Variants in MRO observed in about 807,000 individuals in gnomAD.
MRO encodes the protein protein maestro.
Under a neutral mutation model 31.0 loss-of-function variants are expected in MRO, and 28 were observed. The ratio of observed to expected loss-of-function variants is 0.90; its 90% CI spans 0.67 to 1.24. The LOEUF is 1.24. Ranked by LOEUF, MRO falls within the 50% of genes most tolerant of loss-of-function variation. The probability of loss-of-function intolerance (pLI) is 0.00; values close to 1 mark genes in which losing one functional copy is unlikely to be tolerated. For synonymous variants in MRO, 108 were observed against 108.4 expected (o/e 1.00, Z 0.02); for missense variants, 332 against 289.2 (o/e 1.15, Z -1.07).
At chr18:50,809,085 C>T (rs955995109) in intron 3 of MRO, among the ~76,000 whole-genome samples, 1 of 145,096 alleles carries the variant, frequency 6.9e-6, no homozygotes, top group Non-Finnish European at 1.5e-5. Flanking sequence ...TTGCAGTGAG[C>T]CCAGATTGCG....
chr18:50,824,422 T>C (rs1247374303), upstream of MRO, among the ~76,000 whole-genome samples: 3 of 151,440 alleles, frequency 2.0e-5, no homozygotes, highest in Non-Finnish European at 4.4e-5. Flanking sequence ...GCCTGGGTGA[T>C]AGAGCAAGAC....
intron 2 of MRO, among the ~76,000 whole-genome samples, chr18:50,810,345 T>C (rs1003508883): frequency 1.3e-5 from 2 of 152,224 alleles, no homozygotes; most frequent in Non-Finnish European, 2.9e-5. Flanking sequence ...GATCAACATG[T>C]GCTAAAATAA....
At chr18:50,822,644 G>C (rs574793451), upstream of MRO, among the ~76,000 whole-genome samples, 2 of 152,174 alleles carry the variant, frequency 1.3e-5, no homozygotes, top group Admixed American at 6.5e-5. Context: ...CTTAAAGAGA[G>C]AGATTTAAGT....
intron 6 of MRO, among the ~76,000 whole-genome samples, chr18:50,800,352 G>A (rs779845424): frequency 3.9e-5 from 6 of 152,160 alleles, no homozygotes; most frequent in Non-Finnish European, 5.9e-5. Context: ...TGGGAAGGGC[G>A]TAGCTTTACA....
At chr18:50,808,098 A>G (rs980512253) in intron 3 of MRO, among the ~76,000 whole-genome samples, 1 of 152,144 alleles carries the variant, frequency 6.6e-6, no homozygotes, top group African/African-American at 2.4e-5. Context: ...AAAACAAACA[A>G]ACAAACAAAC....
intron 4 of MRO, among the ~76,000 whole-genome samples, 153 bp from the exon 5 acceptor site, chr18:50,805,489 T>C (rs1463645538): frequency 6.6e-6 from 1 of 152,080 alleles, no homozygotes; most frequent in Non-Finnish European, 1.5e-5. Context: ...AAAATACAAA[T>C]GCTTCCATTA....
Position 50,799,943 on chromosome 18 carries a change from G to C in MRO, c.693+93C>G, listed in dbSNP as rs1286325466. The C allele has an allele frequency of 4.7e-6, 4 of 851,950 alleles. No individual in the cohort carries two copies. In the African/African-American group the frequency reaches 5.1e-5, roughly 11 times the overall value. 52.8% of individuals were successfully genotyped at this position (851,950 alleles called of 1,614,324 possible). On this transcript the variant is annotated intron_variant, in intron 7 of 7. Transcript: ENST00000398439. ...ATAGTTGGCCTGAGTCATTTTAAGG[G>C]GGTAACTCTTTCTTGTGCTTGGCCA...
chr18:50,820,853 A>G (rs1915276285), upstream of MRO, among the ~76,000 whole-genome samples: 1 of 152,258 alleles, frequency 6.6e-6, no homozygotes, highest in Admixed American at 6.5e-5. Flanking sequence ...ACAGAAAAAT[A>G]TAAACCAGAG....
chr18:50,800,102 T>G lies in MRO; in HGVS notation c.627A>C (p.Lys209Asn). ...TTFQACSPYL[K>N]LKEEYSFQSE... ...TCTGGAAGCTGTATTCCTCCTTTAG[T>G]TTCAGATATGGAGAACAGGCTTGAA... Residue 209 changes from lysine (K) to asparagine (N), a missense_variant, in exon 7 of 8, where the codon AAA becomes AAC. Coordinates refer to ENST00000398439, the MANE Select transcript of MRO (RefSeq NM_031939.6). The G allele has an allele frequency of 6.2e-7, 1 of 1,613,832 alleles. No individual in the cohort carries two copies. Among genetic ancestry groups the G allele is most frequent in the Non-Finnish European group, 8.5e-7 (1 of 1,179,776 alleles).
intron 2 of MRO, among the ~76,000 whole-genome samples, chr18:50,811,319 C>A (rs1914451515): frequency 6.6e-6 from 1 of 152,118 alleles, no homozygotes; most frequent in Admixed American, 6.6e-5. Flanking sequence ...TTTCATCACC[C>A]CAAAAGAAAG....
chr18:50,815,484 G>A (rs780242807), intron 2 of MRO: 6 of 299,064 alleles, frequency 2.0e-5, no homozygotes, highest in Admixed American at 3.6e-5. Flanking sequence ...GGGGGCCGTG[G>A]TGGTGGTGGA....
upstream of MRO, among the ~76,000 whole-genome samples, chr18:50,822,778 C>T (rs987930407): frequency 6.2e-5 from 9 of 144,110 alleles, no homozygotes; most frequent in Non-Finnish European, 1.2e-4. Flanking sequence ...ACCTCCTTAG[C>T]CACAGGTTGG....
At chr18:50,800,760 C>G (rs2144580934) in intron 6 of MRO, among the ~76,000 whole-genome samples, 1 of 151,906 alleles carries the variant, frequency 6.6e-6, no homozygotes, top group East Asian at 1.9e-4. Context: ...GTGGTGGGCA[C>G]CTGTAATCCC....
chr18:50,809,574 C>T (rs1914290813), intron 2 of MRO, among the ~76,000 whole-genome samples, 170 bp from the exon 3 acceptor site: 1 of 152,120 alleles, frequency 6.6e-6, no homozygotes, highest in Non-Finnish European at 1.5e-5. Flanking sequence ...AGATGAATAG[C>T]AACCCAAGGC....
At chr18:50,806,640 G>A in intron 4 of MRO, 64 bp downstream of exon 4, 3 of 1,588,078 alleles carry the variant, frequency 1.9e-6, no homozygotes, top group Non-Finnish European at 1.7e-6. Flanking sequence ...AGCCCTGGGA[G>A]TCTCCACACC....
chr18:50,819,071 A>G (rs1654339101), intron 2 of MRO, among the ~76,000 whole-genome samples: 2 of 151,542 alleles, frequency 1.3e-5, no homozygotes, highest in South Asian at 4.2e-4. Flanking sequence ...GAAAAAAAAA[A>G]TTAATATTAA....
At chr18:50,804,767 A>G (rs1913737792) in intron 5 of MRO, among the ~76,000 whole-genome samples, 1 of 152,168 alleles carries the variant, frequency 6.6e-6, no homozygotes, top group African/African-American at 2.4e-5. Context: ...TCCCACAGCA[A>G]CAAACCACCC....
At chr18:50,802,916 A>AGTGTGTGTGT (rs71735972) in intron 5 of MRO, among the ~76,000 whole-genome samples, 2,668 of 144,680 alleles carry the variant, frequency 0.018, 64 homozygotes, top group African/African-American at 0.053. Flanking sequence ...GTGTGTGTGT[A>AGTGTGTGTGT]GTGTGTGTGT....
At position 50,797,254 on chromosome 18, in the gene MRO, T is replaced by G. The variant is rs974847429; in HGVS notation, c.*2083A>C. ...CAGACTCTGCTGTGGGTTGGGTGTC[T>G]CCGTTCTCCTTCACATGGTGATCTC... On this transcript the variant is annotated 3_prime_UTR_variant, in exon 8 of 8. Transcript: ENST00000398439. 6.6e-6 allele frequency: 1 copy of G among 152,234 alleles called. No individual in the cohort carries two copies. Among genetic ancestry groups the G allele is most frequent in the Non-Finnish European group, 1.5e-5 (1 of 68,080 alleles). The allele number at this position is 152,234 out of a possible 1,614,324, so 9.4% of individuals were successfully genotyped here.
Sources: allele counts gnomAD v4.1 joint callset (sites outside exome capture counted in the v4.1 genomes callset), GRCh38; gene constraint gnomAD v4.1.1; transcripts MANE v1.5; gene names NCBI Gene and HGNC (gene_info 2026-07-23, HGNC 2026-07-21).